The following FDFT1 variants were observed in gnomAD, a reference collection of about 807,000 sequenced individuals.
The protein encoded by FDFT1 is farnesyl-diphosphate farnesyltransferase 1.
In FDFT1, 68 loss-of-function variants were observed where a neutral mutation model predicts 46.8. That is an observed-to-expected ratio of 1.45 (90% confidence interval 1.19 to 1.78). The LOEUF is 1.78. Ranked by LOEUF, FDFT1 falls within the 40% of genes most tolerant of loss-of-function variation. The pLI is 0.00. For missense variants in FDFT1, 928 were observed against 524.4 expected (o/e 1.77, Z -7.52); for synonymous variants, 351 against 185.1 (o/e 1.90, Z -7.28).
At chr8:11,798,707 A>T (rs961318130), upstream of FDFT1, among the ~76,000 whole-genome samples, 1 of 152,238 alleles carries the variant, frequency 6.6e-6, no homozygotes, top group Non-Finnish European at 1.5e-5. Flanking sequence ...ATCGTGTCCT[A>T]TACGCAGCTC....
chr8:11,834,975 T>A (rs1366199987), intron 7 of FDFT1, among the ~76,000 whole-genome samples: 3 of 152,116 alleles, frequency 2.0e-5, no homozygotes, highest in African/African-American at 7.2e-5. Context: ...AATACAACAT[T>A]TAGCCAGGTG....
At chr8:11,801,320 G>C (rs979040903), upstream of FDFT1, among the ~76,000 whole-genome samples, 2 of 152,162 alleles carry the variant, frequency 1.3e-5, no homozygotes, top group Admixed American at 1.3e-4. Flanking sequence ...TACCTGACAG[G>C]TTTCCTGTTT....
intron 3 of FDFT1, among the ~76,000 whole-genome samples, chr8:11,820,872 C>A (rs559731665): frequency 6.6e-6 from 1 of 152,352 alleles, no homozygotes; most frequent in Non-Finnish European, 1.5e-5. Flanking sequence ...CCATGGGCTG[C>A]ACCCACTGTC....
rs761939298 is a variant in FDFT1 at position 11,838,384 on chromosome 8, A to G, written c.1033-4A>G. ...CTTATCATTTTTTCCTGTGTCTTTA[A>G]CAGATTTATCATAGAATCCCCGACT... On this transcript the variant is annotated splice_region_variant and splice_polypyrimidine_tract_variant and intron_variant, in intron 7 of 7. Transcript: ENST00000220584. 1.9e-6 allele frequency: 3 copies of G among 1,611,626 alleles called. No individual in the cohort carries two copies. The highest frequency in any genetic ancestry group is 2.2e-5 in the East Asian group (1 of 44,862).
chr8:11,836,441 T>TG (rs1454443318), intron 7 of FDFT1, among the ~76,000 whole-genome samples: 4 of 152,218 alleles, frequency 2.6e-5, no homozygotes, highest in African/African-American at 4.8e-5. Flanking sequence ...GCCTGGCACG[T>TG]GGGTCCCCAC....
chr8:11,807,283 C>G (rs1457454114), intron 1 of FDFT1, among the ~76,000 whole-genome samples: 1 of 152,192 alleles, frequency 6.6e-6, no homozygotes. Context: ...TCTTCAGTAG[C>G]TAGACTATAG....
chr8:11,802,076 C>T (rs1424099892), upstream of FDFT1: 2 of 455,348 alleles, frequency 4.4e-6, no homozygotes, highest in African/African-American at 4.0e-5. Context: ...GCTTCAGCTC[C>T]TTTTTCTAGG....
upstream of FDFT1, among the ~76,000 whole-genome samples, chr8:11,798,302 C>G (rs1014417521): frequency 6.6e-6 from 1 of 152,078 alleles, no homozygotes; most frequent in Non-Finnish European, 1.5e-5. Flanking sequence ...TCAAGTGATC[C>G]GCCTGCATTG....
intron 3 of FDFT1, among the ~76,000 whole-genome samples, chr8:11,820,223 CAAG>C (rs1809031112): frequency 6.6e-6 from 1 of 152,080 alleles, no homozygotes; most frequent in Non-Finnish European, 1.5e-5. Context: ...AAGCTTCGTC[CAAG>C]AAGGACACCC....
chr8:11,820,958 C>CT (rs1303009708), intron 3 of FDFT1, among the ~76,000 whole-genome samples: 3 of 152,206 alleles, frequency 2.0e-5, no homozygotes, highest in African/African-American at 7.2e-5. Context: ...ATCGATCTTG[C>CT]TGGGAGCTGT....
intron 4 of FDFT1, among the ~76,000 whole-genome samples, chr8:11,823,961 G>A (rs1330293038): frequency 1.3e-5 from 2 of 152,010 alleles, no homozygotes; most frequent in African/African-American, 4.8e-5. Context: ...GCCTAGGCTG[G>A]TCTTGAGCTC....
At chr8:11,801,810 C>T (rs575331772), upstream of FDFT1, 2 of 370,710 alleles carry the variant, frequency 5.4e-6, no homozygotes, top group Middle Eastern at 9.7e-4. Context: ...TCTCCTGCCT[C>T]AGCCTCCGGA....
At chr8:11,825,642 C>T (rs1005136800) in intron 4 of FDFT1, among the ~76,000 whole-genome samples, 3 of 148,104 alleles carry the variant, frequency 2.0e-5, no homozygotes, top group African/African-American at 7.5e-5. Context: ...TGCTTGGGTC[C>T]AGTAGTTTGA....
upstream of FDFT1, chr8:11,802,520 T>G (rs1170586615): frequency 9.5e-6 from 5 of 526,918 alleles, no homozygotes; most frequent in Admixed American, 2.2e-5. Flanking sequence ...GGCCTCTTTC[T>G]CGGCCTCCAA....
chr8:11,798,731 C>G (rs752536431), upstream of FDFT1, among the ~76,000 whole-genome samples: 1 of 152,176 alleles, frequency 6.6e-6, no homozygotes, highest in Non-Finnish European at 1.5e-5. Flanking sequence ...TCAATAAATA[C>G]TCATTGAGCA....
intron 5 of FDFT1, among the ~76,000 whole-genome samples, chr8:11,827,397 A>G (rs139917667): frequency 1.0e-3 from 155 of 152,308 alleles, no homozygotes; most frequent in African/African-American, 3.4e-3. Context: ...ATGCACCTGT[A>G]TTCCTAGGTA....
rs984314859 is a variant in FDFT1 at position 11,838,895 on chromosome 8, G to T, written c.*286G>T. ...CGGTTTAGGTGAAGTCGCTGCATAT[G>T]TGACTGTCATGAGATCCTACTTAGT... On this transcript the variant is annotated 3_prime_UTR_variant, in exon 8 of 8. Coordinates refer to ENST00000220584, the MANE Select transcript of FDFT1 (RefSeq NM_004462.5). 7 of 422,832 alleles carry T rather than the reference G, an allele frequency of 1.7e-5. No individual in the cohort carries two copies. The highest frequency in any genetic ancestry group is 7.0e-4 in the Middle Eastern group (1 of 1,430). 26.2% of individuals were successfully genotyped at this position (422,832 alleles called of 1,614,324 possible). A position where few individuals can be genotyped will look rare whatever the true frequency, so the allele number is the denominator to read the frequency against.
chr8:11,803,503 A>G lies in FDFT1; in HGVS notation c.99+572A>G, dbSNP rs1806414384. On this transcript the variant is annotated intron_variant, in intron 1 of 7. Coordinates refer to ENST00000220584, the MANE Select transcript of FDFT1 (RefSeq NM_004462.5). ...GTTATCTAACGTCTATGGATTAGCT[A>G]GGTGGTTGGTGGAAGGTCAGAACTT... 2.5e-6 allele frequency: 3 copies of G among 1,224,456 alleles called. No homozygotes were observed. The South Asian group carries it at 4.3e-5, about 18-fold the overall frequency. The allele number at this position is 1,224,456 out of a possible 1,614,324, so 75.8% of individuals were successfully genotyped here.
chr8:11,818,445 A>T (rs564915543), intron 3 of FDFT1, among the ~76,000 whole-genome samples: 1 of 152,198 alleles, frequency 6.6e-6, no homozygotes, highest in African/African-American at 2.4e-5. Flanking sequence ...TGATCTATCT[A>T]ATATTGACAG....
Sources: allele counts gnomAD v4.1 joint callset (sites outside exome capture counted in the v4.1 genomes callset), GRCh38; gene constraint gnomAD v4.1.1; transcripts MANE v1.5; gene names NCBI Gene and HGNC (gene_info 2026-07-23, HGNC 2026-07-21).